C2orf76: variants seen among roughly 807,000 people sequenced by gnomAD.
C2orf76 encodes the protein chromosome 2 open reading frame 76.
C2orf76 carries 23 observed loss-of-function variants against 16.9 expected under a neutral mutation model. The ratio of observed to expected loss-of-function variants is 1.36; its 90% CI spans 0.98 to 1.93. The LOEUF (loss-of-function observed/expected upper bound fraction) is 1.93, where lower values mean the gene tolerates loss of function less well. Ranked by LOEUF, C2orf76 falls within the 30% of genes most tolerant of loss-of-function variation. The pLI, the probability that C2orf76 is intolerant of heterozygous loss-of-function variation, is 0.00. For synonymous variants in C2orf76, 48 were observed against 52.3 expected (o/e 0.92, Z 0.35); for missense variants, 152 against 152.6 (o/e 1.00, Z 0.02).
At chr2:119,303,367 A>C (rs1678676595) in intron 5 of C2orf76, among the ~76,000 whole-genome samples, 2 of 152,248 alleles carry the variant, frequency 1.3e-5, no homozygotes, top group Non-Finnish European at 2.9e-5. Flanking sequence ...TTGTGCCAAC[A>C]AGTTCCACAT....
chr2:119,361,118 G>A (rs1176489264), intron 1 of C2orf76, among the ~76,000 whole-genome samples: 1 of 152,134 alleles, frequency 6.6e-6, no homozygotes, highest in African/African-American at 2.4e-5. Context: ...TGTTACCACT[G>A]GGAGAAACTA....
chr2:119,353,039 AAG>A (rs1680453114), intron 1 of C2orf76, among the ~76,000 whole-genome samples: 1 of 152,224 alleles, frequency 6.6e-6, no homozygotes, highest in African/African-American at 2.4e-5. Context: ...TAAAAGGAGA[AAG>A]AGCAGGAAAT....
At chr2:119,357,609 A>G (rs528932801) in intron 1 of C2orf76, among the ~76,000 whole-genome samples, 1 of 152,066 alleles carries the variant, frequency 6.6e-6, no homozygotes, top group East Asian at 1.9e-4. Context: ...AAAAAAAAAA[A>G]AAACTAGAGC....
chr2:119,365,087 C>T (rs779869675), intron 1 of C2orf76, among the ~76,000 whole-genome samples: 10 of 151,950 alleles, frequency 6.6e-5, no homozygotes, highest in Middle Eastern at 3.4e-3. Context: ...ACATCACACG[C>T]GAAAATAATT....
chr2:119,293,799 G>A, the C2orf76 span, among the ~76,000 whole-genome samples: 1 of 152,204 alleles, frequency 6.6e-6, no homozygotes, highest in Admixed American at 6.5e-5. Flanking sequence ...TATATCCAAG[G>A]TTTCTGGCCT....
intron 1 of C2orf76, among the ~76,000 whole-genome samples, chr2:119,348,295 T>C (rs1233303459): frequency 6.6e-6 from 1 of 152,214 alleles, no homozygotes; most frequent in Non-Finnish European, 1.5e-5. Context: ...AAGTAAATTA[T>C]GCCACACAGT....
chr2:119,311,280 T>C (rs1678977024), intron 5 of C2orf76: 1 of 985,320 alleles, frequency 1.0e-6, no homozygotes, highest in South Asian at 4.7e-5. Flanking sequence ...TCTTACTATG[T>C]CCATTTCTCT....
chr2:119,354,678 A>C (rs1680514291), intron 1 of C2orf76, among the ~76,000 whole-genome samples: 1 of 152,234 alleles, frequency 6.6e-6, no homozygotes, highest in African/African-American at 2.4e-5. Context: ...TGGTTAAATC[A>C]TCTTTCACTG....
chr2:119,299,736 T>C (rs534980511), downstream of C2orf76, among the ~76,000 whole-genome samples: 1 of 152,262 alleles, frequency 6.6e-6, no homozygotes, highest in Non-Finnish European at 1.5e-5. Context: ...AAAGGTACTA[T>C]ACATACATAT....
chr2:119,290,243 GC>G, the C2orf76 span, among the ~76,000 whole-genome samples: 1 of 151,700 alleles, frequency 6.6e-6, no homozygotes, highest in Non-Finnish European at 1.5e-5. Context: ...AATTTTTTAA[GC>G]ACCTCACCTG....
intron 1 of C2orf76, among the ~76,000 whole-genome samples, chr2:119,348,214 T>C (rs1193677895): frequency 6.6e-6 from 1 of 152,224 alleles, no homozygotes; most frequent in Non-Finnish European, 1.5e-5. Context: ...AAAGATTTTC[T>C]TTCACTGAAA....
At chr2:119,309,120 T>C (rs1377917946) in intron 5 of C2orf76, among the ~76,000 whole-genome samples, 3 of 152,128 alleles carry the variant, frequency 2.0e-5, no homozygotes, top group Admixed American at 1.3e-4. Flanking sequence ...CTAGAGCTCC[T>C]GGCCTCAGGC....
chr2:119,298,660 G>A (rs543921079), downstream of C2orf76, among the ~76,000 whole-genome samples: 1 of 151,992 alleles, frequency 6.6e-6, no homozygotes, highest in Admixed American at 6.6e-5. Flanking sequence ...TTATGGATTA[G>A]GTAGGTATCT....
chr2:119,365,935 C>T (rs1427447582), intron 1 of C2orf76, among the ~76,000 whole-genome samples: 2 of 152,166 alleles, frequency 1.3e-5, no homozygotes, highest in African/African-American at 4.8e-5. Context: ...CCTAGCCAGT[C>T]TGCCACCGCC....
chr2:119,363,311 C>T (rs955048295), intron 1 of C2orf76, among the ~76,000 whole-genome samples: 1 of 151,850 alleles, frequency 6.6e-6, no homozygotes, highest in East Asian at 1.9e-4. Flanking sequence ...ATAGTCCCAG[C>T]TACTCGGGAG....
chr2:119,338,655 C>A (rs1366899889), intron 2 of C2orf76, among the ~76,000 whole-genome samples: 4 of 152,138 alleles, frequency 2.6e-5, no homozygotes, highest in African/African-American at 9.7e-5. Context: ...AAGAGGCTGA[C>A]ATATTCAGTT....
chr2:119,321,225 T>G (rs1679331609), intron 2 of C2orf76, 21 bp from the exon 3 acceptor site: 1 of 1,290,550 alleles, frequency 7.7e-7, no homozygotes, highest in South Asian at 1.4e-5. Context: ...AAGATTATTT[T>G]TTTACACAAT....
chr2:119,353,208 T>G (rs530179948), intron 1 of C2orf76, among the ~76,000 whole-genome samples: 1 of 152,288 alleles, frequency 6.6e-6, no homozygotes, highest in South Asian at 2.1e-4. Context: ...TGGGGGAGCC[T>G]AAATTATTTT....
chr2:119,314,014 G>GTT (rs368623211), intron 4 of C2orf76, among the ~76,000 whole-genome samples: 3,842 of 86,076 alleles, frequency 0.045, 502 homozygotes, highest in African/African-American at 0.17. Flanking sequence ...TTTCTCAGTG[G>GTT]TTTTTTTTTT....
Sources: gnomAD v4.1 joint callset for allele counts (sites outside exome capture counted in the v4.1 genomes callset) on GRCh38, gnomAD v4.1.1 for gene constraint, MANE v1.5 for transcripts, NCBI Gene and HGNC (gene_info 2026-07-23, HGNC 2026-07-21) for gene names.